Variants in PPP6C observed in about 807,000 individuals in gnomAD.
PPP6C encodes the protein serine/threonine-protein phosphatase 6 catalytic subunit.
PPP6C carries 11 observed loss-of-function variants against 39.8 expected under a neutral mutation model. The observed-to-expected ratio is 0.28, with a 90% CI of 0.17 to 0.46. PPP6C has a LOEUF of 0.46. Among genes scored for constraint, PPP6C ranks in the 20% least tolerant of loss-of-function variants. PPP6C has a pLI of 1.00. For missense variants in PPP6C, 211 were observed against 373.9 expected (o/e 0.56, Z 3.59); for synonymous variants, 129 against 130.3 (o/e 0.99, Z 0.07).
intron 1 of PPP6C, chr9:125,171,897 C>T: frequency 2.2e-6 from 1 of 463,450 alleles, no homozygotes; most frequent in Non-Finnish European, 4.4e-6. Flanking sequence ...AAATTGCAAA[C>T]CACACACTTA....
At chr9:125,158,159 G>T in intron 4 of PPP6C, 82 bp downstream of exon 4, 1 of 1,333,066 alleles carries the variant, frequency 7.5e-7, no homozygotes, top group Non-Finnish European at 1.0e-6. Context: ...TATACATAAA[G>T]CATGTGTATG....
At chr9:125,185,123 C>T (rs1400129720) in intron 1 of PPP6C, among the ~76,000 whole-genome samples, 1 of 152,044 alleles carries the variant, frequency 6.6e-6, no homozygotes, top group Non-Finnish European at 1.5e-5. Context: ...ATTAATTCTT[C>T]CATTTAGCCA....
At chr9:125,166,564 ACT>A (rs1829018929) in intron 2 of PPP6C, among the ~76,000 whole-genome samples, 2 of 135,094 alleles carry the variant, frequency 1.5e-5, no homozygotes, top group Admixed American at 8.0e-5. Context: ...GCAGAGTCTC[ACT>A]CTGTCACCCA....
chr9:125,157,695 G>GTTT (rs1564147844), intron 4 of PPP6C, among the ~76,000 whole-genome samples: 1 of 16,348 alleles, frequency 6.1e-5, no homozygotes, highest in African/African-American at 1.9e-4. Flanking sequence ...TTTTTTTTTT[G>GTTT]GTTTTTTTTT....
rs562161641 is a variant in PPP6C, at chr9:125,170,517, G to T, written c.171+568C>A. Among the ~76,000 whole-genome samples, 28 of 152,258 alleles carry T rather than the reference G, an allele frequency of 1.8e-4. 1 individual carries two copies. In the South Asian group the frequency reaches 5.4e-3, roughly 29 times the overall value. ...CACCCAAAGTGCTGGGACTACAGGT[G>T]TGAGCCACCACGCCCGGCACTGCTT... On this transcript the variant is annotated intron_variant, in intron 2 of 6. Coordinates refer to ENST00000373547, the MANE Select transcript of PPP6C (RefSeq NM_002721.5).
chr9:125,157,167 G>A (rs923367385), intron 4 of PPP6C, among the ~76,000 whole-genome samples: 1 of 125,678 alleles, frequency 8.0e-6, no homozygotes, highest in Non-Finnish European at 1.6e-5. Flanking sequence ...TGTATTTTTA[G>A]TAGAGACAGG....
At chr9:125,164,745 G>A (rs1588282383) in intron 2 of PPP6C, among the ~76,000 whole-genome samples, 2 of 151,924 alleles carry the variant, frequency 1.3e-5, no homozygotes, top group South Asian at 2.1e-4. Context: ...CCTGGGAAGT[G>A]GATTTTTTTT....
chr9:125,175,884 C>T (rs78674788), intron 1 of PPP6C, among the ~76,000 whole-genome samples: 3,087 of 152,194 alleles, frequency 0.02, 48 homozygotes, highest in Non-Finnish European at 0.027. Flanking sequence ...AAAAGCTCTG[C>T]TCTCAAGGGG....
chr9:125,175,393 C>T (rs1829274227), intron 1 of PPP6C, among the ~76,000 whole-genome samples: 1 of 151,942 alleles, frequency 6.6e-6, no homozygotes. Flanking sequence ...AATCCCAGCA[C>T]TTTGGGAGGC....
chr9:125,169,081 T>C (rs544816962), intron 2 of PPP6C, among the ~76,000 whole-genome samples: 1 of 152,318 alleles, frequency 6.6e-6, no homozygotes, highest in Non-Finnish European at 1.5e-5. Context: ...AAGGAACACA[T>C]ACAACATAAA....
At chr9:125,150,230 A>C (rs1375162779) in intron 6 of PPP6C, among the ~76,000 whole-genome samples, 1 of 152,224 alleles carries the variant, frequency 6.6e-6, no homozygotes, top group Non-Finnish European at 1.5e-5. Flanking sequence ...TGCTATCAGT[A>C]TCTACCATTT....
chr9:125,169,948 C>T (rs1829107655), intron 2 of PPP6C, among the ~76,000 whole-genome samples: 1 of 152,118 alleles, frequency 6.6e-6, no homozygotes, highest in Non-Finnish European at 1.5e-5. Flanking sequence ...CATGGAGCAG[C>T]CCCTAATCAG....
At chr9:125,150,031 T>C (rs953583947) in intron 6 of PPP6C, 110 bp from the exon 7 acceptor site, 18 of 1,357,290 alleles carry the variant, frequency 1.3e-5, no homozygotes, top group Admixed American at 2.6e-5. Context: ...ATCAAGATTA[T>C]AGAACGCACT....
Position 125,147,770 on chromosome 9 carries a change from T to TTACC in PPP6C, c.*1902_*1903insGGTA. ...ACCGGTTCTATTAGTACAACTTAAGTGGAAAGCAAGCACTTAAATACAATT... is the reference window on the plus strand; with the variant it reads ...ACCGGTTCTATTAGTACAACTTAAGTTACCGGAAAGCAAGCACTTAAATACAATT... On this transcript the variant is annotated 3_prime_UTR_variant, in exon 7 of 7. Coordinates refer to ENST00000373547, the MANE Select transcript of PPP6C (RefSeq NM_002721.5). The TTACC allele has an allele frequency of 1.3e-5, 2 of 151,246 alleles. No individual in the cohort carries two copies. Among genetic ancestry groups the TTACC allele is most frequent in the African/African-American group, 4.9e-5 (2 of 41,046 alleles). The allele number at this position is 151,246 out of a possible 1,614,324, so 9.4% of individuals were successfully genotyped here.
chr9:125,183,970 G>T (rs1374992977), intron 1 of PPP6C, among the ~76,000 whole-genome samples: 1 of 152,206 alleles, frequency 6.6e-6, no homozygotes, highest in Non-Finnish European at 1.5e-5. Context: ...GTAAATAAGT[G>T]TTTGTTGGCT....
intron 2 of PPP6C, 23 bp from the exon 3 acceptor site, chr9:125,160,929 G>T: frequency 6.6e-7 from 1 of 1,523,508 alleles, no homozygotes; most frequent in South Asian, 1.3e-5. Flanking sequence ...TGCAATACAT[G>T]CTGATTACAA....
chr9:125,180,828 T>C (rs971968947), intron 1 of PPP6C, among the ~76,000 whole-genome samples: 1 of 152,164 alleles, frequency 6.6e-6, no homozygotes, highest in African/African-American at 2.4e-5. Context: ...CCCCATACAC[T>C]ATGTGCTAGC....
chr9:125,157,686 T>C (rs1369748766), intron 4 of PPP6C, among the ~76,000 whole-genome samples: 1 of 99,034 alleles, frequency 1.0e-5, no homozygotes, highest in African/African-American at 4.0e-5. Context: ...GCATTCTCCT[T>C]TTTTTTTTGG....
chr9:125,168,546 TC>T (rs527399507), intron 2 of PPP6C, among the ~76,000 whole-genome samples: 79 of 151,928 alleles, frequency 5.2e-4, no homozygotes, highest in African/African-American at 1.9e-3. Flanking sequence ...ACAACCTCCG[TC>T]TCCCAGGTTC....
Sources: gnomAD v4.1 joint callset for allele counts (sites outside exome capture counted in the v4.1 genomes callset) on GRCh38, gnomAD v4.1.1 for gene constraint, MANE v1.5 for transcripts, NCBI Gene and HGNC (gene_info 2026-07-23, HGNC 2026-07-21) for gene names.